GAK: variants seen among roughly 807,000 people sequenced by gnomAD.
The protein encoded by GAK is cyclin G associated kinase, also known as cyclin-G-associated kinase.
Under a neutral mutation model 143.9 loss-of-function variants are expected in GAK, and 79 were observed. The observed-to-expected ratio is 0.55, with a 90% CI of 0.46 to 0.66. The LOEUF is 0.66. Among genes scored for constraint, GAK ranks in the 30% least tolerant of loss-of-function variants. The pLI is 0.00. For missense variants in GAK, 1,693 were observed against 1,779.7 expected, an observed-to-expected ratio of 0.95 and a Z score of 0.88; for synonymous variants, 881 against 765.5, an observed-to-expected ratio of 1.15 and a Z score of -2.49.
chr4:902,596 C>CAAAAAAAAAAAAAA (rs768017849), intron 5 of GAK, among the ~76,000 whole-genome samples: 3,703 of 60,278 alleles, frequency 0.061, 440 homozygotes, highest in African/African-American at 0.075. Flanking sequence ...GTGACTGACT[C>CAAAAAAAAAAAAAA]AAAAAAAAAA....
At chr4:889,033 TGCTGGCTGGGCCCAGGCCCCAGGCGCTC>T in intron 10 of GAK, 63 bp from the exon 11 acceptor site, 1 of 1,527,440 alleles carries the variant, frequency 6.5e-7, no homozygotes, top group Non-Finnish European at 8.8e-7. Context: ...AGGTGCGGGT[TGCTGGCTGGGCCCAGGCCCCAGGCGCTC>T]GGTCCCACCT....
At chr4:864,397 C>A (rs1473866265) in intron 23 of GAK, among the ~76,000 whole-genome samples, 1 of 152,128 alleles carries the variant, frequency 6.6e-6, no homozygotes, top group Non-Finnish European at 1.5e-5. Context: ...ACACAAAAAA[C>A]CCCCTTAACT....
At position 883,427 on chromosome 4, in the gene GAK, A is replaced by C. The variant is rs1253391435; in HGVS notation, c.1292T>G (p.Leu431Arg). The C allele has an allele frequency of 6.2e-7, 1 of 1,613,614 alleles. No homozygotes were observed. The highest frequency in any genetic ancestry group is 1.3e-5 in the African/African-American group (1 of 74,932). Residue 431 changes from leucine to arginine, a missense_variant, in exon 13 of 28, where the codon CTC (leucine) becomes CGC (arginine). Coordinates refer to ENST00000314167, the MANE Select transcript of GAK (RefSeq NM_005255.4). ...CCGCACATCTTCGATGTTGTTTTTGAGCGCTGACTCCACACCTTCTGCTGG... is the reference window on the plus strand; with the variant it reads ...CCGCACATCTTCGATGTTGTTTTTGCGCGCTGACTCCACACCTTCTGCTGG... ...SFPAEGVESA[L>R]KNNIEDVRLF...
At chr4:909,725 G>T (rs1369437720) in intron 4 of GAK, among the ~76,000 whole-genome samples, 1 of 152,208 alleles carries the variant, frequency 6.6e-6, no homozygotes, top group East Asian at 1.9e-4. Flanking sequence ...TGGAGAGAGG[G>T]AAAGCCGCCG....
chr4:856,373 C>A (rs1443279586), intron 24 of GAK, among the ~76,000 whole-genome samples: 1 of 87,454 alleles, frequency 1.1e-5, no homozygotes, highest in Non-Finnish European at 2.6e-5. Flanking sequence ...CACAGCTGCT[C>A]ACCACAGCTG....
intron 23 of GAK, among the ~76,000 whole-genome samples, chr4:861,631 G>A (rs896778981): frequency 6.6e-6 from 1 of 152,206 alleles, no homozygotes; most frequent in African/African-American, 2.4e-5. Flanking sequence ...TAGGCCTCTT[G>A]CACCAGCAAG....
chr4:852,176 C>T (rs755354566), intron 24 of GAK: 6 of 618,022 alleles, frequency 9.7e-6, no homozygotes, highest in Non-Finnish European at 1.4e-5. Flanking sequence ...GGTGCTGGGG[C>T]GACGGGAACA....
intron 18 of GAK, among the ~76,000 whole-genome samples, chr4:874,809 T>C (rs150504091): frequency 2.0e-5 from 3 of 152,312 alleles, no homozygotes; most frequent in Non-Finnish European, 2.9e-5. Flanking sequence ...CTCCTAGAAC[T>C]TCAAGTAAAA....
rs139694554 is a variant in GAK, at chr4:867,262, G to C, written c.2566C>G (p.Leu856Val). 1 of 1,612,912 alleles carries C rather than the reference G, an allele frequency of 6.2e-7. No individual in the cohort carries two copies. Among genetic ancestry groups the C allele is most frequent in the African/African-American group, 1.3e-5 (1 of 75,046 alleles). The change falls in exon 21 of 28, where the codon CTG becomes GTG. Residue 856 changes from leucine (L) to valine (V), a missense_variant. Leu to Val is a conservative substitution (Grantham distance 32, BLOSUM62 1). Around this residue, in one of 2 missense-constraint regions of GAK, gnomAD observed 822 missense variants for 788.7 expected, o/e 1.04. Coordinates refer to ENST00000314167, the MANE Select transcript of GAK (RefSeq NM_005255.4). ...DPEPPGLAAG[L>V]VQQDLVFEVE... is the part of the protein sequence containing the mutation. The stretch of plus-strand genomic sequence containing the variant: ...TCAAAAACCAAGTCCTGCTGCACCA[G>C]CCCTGCTGCCAGGCCGGGGGGCTCT...
intron 18 of GAK, among the ~76,000 whole-genome samples, chr4:873,838 T>C (rs1713231186): frequency 6.6e-6 from 1 of 152,276 alleles, no homozygotes; most frequent in East Asian, 1.9e-4. Flanking sequence ...GTGAGCTTGG[T>C]TTTTAATCCA....
At chr4:889,171 C>G (rs189749457) in intron 10 of GAK, among the ~76,000 whole-genome samples, 1 of 152,148 alleles carries the variant, frequency 6.6e-6, no homozygotes, top group Non-Finnish European at 1.5e-5. Context: ...CTGACCCACA[C>G]GTACCCAGCG....
At position 898,081 on chromosome 4, in the gene GAK, G is replaced by A. The variant is rs764829113; in HGVS notation, c.603C>T (p.Tyr201=). ...DFGSATTISH[Y]PDYSWSAQRR... ...TCTGGGCGCTCCAGCTGTAGTCAGG[G>A]TAGTGCGAGATGGTCGTGGCACTGC... is the stretch of plus-strand genomic sequence containing the variant. The change falls in exon 6 of 28, where the codon TAC becomes TAT. Residue 201 remains tyrosine, a synonymous_variant. Coordinates refer to ENST00000314167, the MANE Select transcript of GAK (RefSeq NM_005255.4). The A allele has an allele frequency of 6.2e-7, 1 of 1,614,144 alleles. No individual in the cohort carries two copies. The highest frequency in any genetic ancestry group is 8.5e-7 in the Non-Finnish European group (1 of 1,179,996).
chr4:854,843 A>G (rs1748849499), intron 24 of GAK, among the ~76,000 whole-genome samples: 1 of 152,214 alleles, frequency 6.6e-6, no homozygotes. Context: ...CAGGAGATCA[A>G]GACCATCCTG....
At chr4:850,497 G>A (rs770819850) in intron 26 of GAK, 64 of 195,688 alleles carry the variant, frequency 3.3e-4, no homozygotes, top group Middle Eastern at 4.4e-3. Flanking sequence ...TCTCAGGGCC[G>A]GCACAGTGAC....
At chr4:856,940 G>C (rs983691374) in intron 24 of GAK, among the ~76,000 whole-genome samples, 1 of 152,200 alleles carries the variant, frequency 6.6e-6, no homozygotes, top group Non-Finnish European at 1.5e-5. Flanking sequence ...CTGGCTGACA[G>C]TGCTGCCATA....
chr4:906,811 C>G (rs767805062), intron 4 of GAK, among the ~76,000 whole-genome samples: 2 of 152,172 alleles, frequency 1.3e-5, no homozygotes, highest in Non-Finnish European at 2.9e-5. Flanking sequence ...CTCAGGGTCT[C>G]CCCCACGCTG....
chr4:850,787 TG>T, intron 26 of GAK, 148 bp downstream of exon 26: 1 of 845,994 alleles, frequency 1.2e-6, no homozygotes, highest in Non-Finnish European at 1.7e-6. Context: ...GGTCCCTGTC[TG>T]GAGACGCCGG....
chr4:923,759 C>T (rs1724246639), intron 1 of GAK, among the ~76,000 whole-genome samples: 2 of 152,212 alleles, frequency 1.3e-5, no homozygotes, highest in Admixed American at 1.3e-4. Flanking sequence ...CCCAGGTTCC[C>T]TGAGGCAGCC....
Position 900,814 on chromosome 4 carries a change from CAGAA to C in GAK, c.526-2660_526-2657del, listed in dbSNP as rs926314787. 2.6e-5 allele frequency among the ~76,000 whole-genome samples: 4 copies of C among 151,944 alleles called. No homozygotes were observed. In the South Asian group the frequency reaches 6.2e-4, roughly 24 times the overall value. ...AAGTAAAATACAAGGAAAGAAGAAA[CAGAA>C]GGAAGAGAGGGAGGGAGGAAAGGAA... On this transcript the variant is annotated intron_variant, in intron 5 of 27. Transcript: ENST00000314167.
Sources: gnomAD v4.1 joint callset for allele counts (sites outside exome capture counted in the v4.1 genomes callset) on GRCh38, gnomAD v4.1.1 for gene constraint, gnomAD v4.1.1 regional missense constraint, MANE v1.5 for transcripts, NCBI Gene and HGNC (gene_info 2026-07-23, HGNC 2026-07-21) for gene names.